ESR1: variants seen among roughly 807,000 people sequenced by gnomAD.
The protein encoded by ESR1 is estrogen receptor 1.
In ESR1, 12 loss-of-function variants were observed where a neutral mutation model predicts 52.7. That is an observed-to-expected ratio of 0.23 (90% confidence interval 0.15 to 0.37). The LOEUF (loss-of-function observed/expected upper bound fraction) is 0.37. ESR1 is among the 10% of genes least tolerant of loss of function. The probability of loss-of-function intolerance (pLI) is 1.00; values close to 1 mark genes in which losing one functional copy is unlikely to be tolerated. For missense variants in ESR1, 584 were observed against 779.7 expected (o/e 0.75, Z 2.99); for synonymous variants, 305 against 316.8 (o/e 0.96, Z 0.39).
intron 1 of ESR1, among the ~76,000 whole-genome samples, chr6:151,831,683 A>G (rs923582905): frequency 2.6e-5 from 4 of 152,098 alleles, no homozygotes; most frequent in Non-Finnish European, 4.4e-5. Flanking sequence ...TGCCTTGGCT[A>G]CCTTGGTTAC....
intron 5 of ESR1, among the ~76,000 whole-genome samples, chr6:152,032,834 T>C (rs1422975536): frequency 1.3e-5 from 2 of 152,130 alleles, no homozygotes; most frequent in Non-Finnish European, 2.9e-5. Context: ...CATTGCCAAG[T>C]CAATCATAAG....
exon 7 of ESR1, chr6:152,126,095 T>C (rs1325511841): frequency 1.3e-5 from 2 of 152,170 alleles, no homozygotes; most frequent in Admixed American, 1.3e-4. Context: ...AAAATTTAAT[T>C]TGTGCATGAC....
intron 5 of ESR1, among the ~76,000 whole-genome samples, chr6:152,060,099 GT>G (rs1202646714): frequency 6.6e-6 from 1 of 152,132 alleles, no homozygotes; most frequent in Non-Finnish European, 1.5e-5. Flanking sequence ...TTCCTTTCGT[GT>G]GTAGTATCTC....
At chr6:151,837,121 CTTTT>C (rs11372738) in intron 1 of ESR1, among the ~76,000 whole-genome samples, 2 of 134,412 alleles carry the variant, frequency 1.5e-5, no homozygotes, top group Non-Finnish European at 3.1e-5. Context: ...AGACATCCCT[CTTTT>C]TTTTTTTTTT....
intron 2 of ESR1, among the ~76,000 whole-genome samples, chr6:151,723,666 C>T (rs765809309): frequency 7.2e-5 from 11 of 152,094 alleles, no homozygotes; most frequent in Non-Finnish European, 1.3e-4. Flanking sequence ...GTCAGGAGTT[C>T]GAGACCAGTC....
intron 3 of ESR1, among the ~76,000 whole-genome samples, chr6:151,939,515 A>T (rs1383165598): frequency 6.6e-6 from 1 of 152,190 alleles, no homozygotes; most frequent in Non-Finnish European, 1.5e-5. Context: ...TGTATGTTCC[A>T]TAGTGACACA....
chr6:151,689,761 G>A (rs968112076), upstream of ESR1, among the ~76,000 whole-genome samples: 1 of 152,092 alleles, frequency 6.6e-6, no homozygotes, highest in African/African-American at 2.4e-5. Flanking sequence ...AAGGCTTGTA[G>A]AGAAGAAAAA....
rs79415092 is a variant in ESR1 at position 151,808,086 on chromosome 6, C to T, written c.174C>T (p.Ala58=). The change falls in exon 1 of 8, where the codon GCC becomes GCT. Residue 58 remains alanine, a synonymous_variant. Transcript: ENST00000206249. ...CCGTGTACAACTACCCCGAGGGCGC[C>T]GCCTACGAGTTCAACGCCGCGGCCG... ...KPAVYNYPEG[A]AYEFNAAAAA... The T allele has an allele frequency of 2.0e-4, 328 of 1,612,790 alleles. 1 individual carries two copies. The East Asian group carries it at 5.8e-3, about 29-fold the overall frequency.
chr6:151,931,073 A>C (rs1398908725), intron 3 of ESR1, among the ~76,000 whole-genome samples: 1 of 151,794 alleles, frequency 6.6e-6, no homozygotes, highest in African/African-American at 2.4e-5. Context: ...AGCTTCCTGG[A>C]TCTGTGGTTT....
rs3996304 is a variant in ESR1 at position 151,818,808 on chromosome 6, TAC to T, written c.452+10460_452+10461del. 2.8e-4 allele frequency among the ~76,000 whole-genome samples: 42 copies of T among 150,772 alleles called. No individual in the cohort carries two copies. In the South Asian group the frequency reaches 5.7e-3, roughly 20 times the overall value. ...CCTAAAGTGTGTATATACACATATA[TAC>T]ACACACACACACACATATATATACC... On this transcript the variant is annotated intron_variant, in intron 1 of 7. Transcript: ENST00000206249.
chr6:151,715,919 G>T (rs1582994663), intron 2 of ESR1, among the ~76,000 whole-genome samples: 1 of 152,066 alleles, frequency 6.6e-6, no homozygotes, highest in Middle Eastern at 3.2e-3. Flanking sequence ...GAGGTGTTTT[G>T]GTTTTTGGAA....
intron 3 of ESR1, among the ~76,000 whole-genome samples, chr6:151,899,103 G>C (rs1213471565): frequency 7.1e-6 from 1 of 141,286 alleles, no homozygotes; most frequent in Non-Finnish European, 1.5e-5. Flanking sequence ...CCTCCCGGAC[G>C]GGGCGGCTGG....
At chr6:152,040,610 G>T (rs1463869668) in intron 5 of ESR1, among the ~76,000 whole-genome samples, 1 of 152,192 alleles carries the variant, frequency 6.6e-6, no homozygotes, top group Admixed American at 6.5e-5. Flanking sequence ...TCTAAGCAAA[G>T]TGCACAGCCA....
At chr6:151,850,751 GT>G (rs1273647021) in intron 2 of ESR1, among the ~76,000 whole-genome samples, 4 of 152,026 alleles carry the variant, frequency 2.6e-5, no homozygotes, top group Non-Finnish European at 1.5e-5. Context: ...TATTTCCATT[GT>G]TTCTTATTGC....
chr6:151,875,796 G>A (rs770176032), intron 2 of ESR1, among the ~76,000 whole-genome samples: 3 of 152,206 alleles, frequency 2.0e-5, no homozygotes, highest in Non-Finnish European at 2.9e-5. Flanking sequence ...GACATGATCA[G>A]AGCTTGGATG....
At chr6:151,709,466 C>T (rs1171650473) in intron 2 of ESR1, among the ~76,000 whole-genome samples, 1 of 152,094 alleles carries the variant, frequency 6.6e-6, no homozygotes, top group Non-Finnish European at 1.5e-5. Context: ...ATGGCTTTGA[C>T]ATACTGAATA....
At chr6:151,775,140 C>T (rs879368571) in intron 2 of ESR1, among the ~76,000 whole-genome samples, 2 of 152,052 alleles carry the variant, frequency 1.3e-5, no homozygotes, top group Admixed American at 1.3e-4. Flanking sequence ...AAAGTAGATG[C>T]TAAAAGGAAA....
chr6:152,023,026 A>T (rs1343461999), intron 5 of ESR1, among the ~76,000 whole-genome samples: 2 of 151,966 alleles, frequency 1.3e-5, no homozygotes, highest in African/African-American at 4.8e-5. Context: ...AATTGGGCCA[A>T]ATACCAGAGA....
At chr6:152,080,344 C>A (rs566483019) in intron 6 of ESR1, among the ~76,000 whole-genome samples, 44 of 152,234 alleles carry the variant, frequency 2.9e-4, no homozygotes, top group Non-Finnish European at 5.1e-4. Context: ...ATTCAACATT[C>A]TTAAAAATTC....
Sources: gnomAD v4.1 joint callset for allele counts (sites outside exome capture counted in the v4.1 genomes callset) on GRCh38, gnomAD v4.1.1 for gene constraint, MANE v1.5 for transcripts, NCBI Gene and HGNC (gene_info 2026-07-23, HGNC 2026-07-21) for gene names.